VTA1: variants seen among roughly 807,000 people sequenced by gnomAD.
The protein encoded by VTA1 is vacuolar protein sorting-associated protein VTA1 homolog.
VTA1 carries 24 observed loss-of-function variants against 36.9 expected under a neutral mutation model. The observed-to-expected ratio is 0.65, with a 90% CI of 0.47 to 0.91. VTA1 has a LOEUF of 0.91. Ranked by LOEUF, VTA1 falls within the 40% of genes least tolerant of loss-of-function variation. VTA1 has a pLI of 0.00. For synonymous variants in VTA1, 142 were observed against 130.2 expected (o/e 1.09, Z -0.62); for missense variants, 393 against 377.2 (o/e 1.04, Z -0.35).
intron 1 of VTA1, among the ~76,000 whole-genome samples, chr6:142,164,285 T>C (rs1015729382): frequency 6.6e-6 from 1 of 152,148 alleles, no homozygotes; most frequent in Non-Finnish European, 1.5e-5. Flanking sequence ...TCCCTTTGTA[T>C]GTCAAAGTGA....
At chr6:142,203,150 C>T (rs1386324827) in intron 6 of VTA1, among the ~76,000 whole-genome samples, 1 of 151,928 alleles carries the variant, frequency 6.6e-6, no homozygotes, top group African/African-American at 2.4e-5. Context: ...GGATATATAT[C>T]CATCCCCCTA....
intron 7 of VTA1, among the ~76,000 whole-genome samples, chr6:142,214,774 A>G (rs1309748636): frequency 6.6e-6 from 1 of 152,172 alleles, no homozygotes; most frequent in Non-Finnish European, 1.5e-5. Context: ...GAAGCTATGC[A>G]TGGTGAGGAA....
intron 4 of VTA1, among the ~76,000 whole-genome samples, chr6:142,174,615 T>C (rs1775085892): frequency 6.6e-6 from 1 of 152,124 alleles, no homozygotes; most frequent in South Asian, 2.1e-4. Context: ...ACATGAGATT[T>C]GAGGGGGCGG....
intron 3 of VTA1, among the ~76,000 whole-genome samples, chr6:142,170,033 A>T (rs906189592): frequency 6.6e-6 from 1 of 152,188 alleles, no homozygotes. Flanking sequence ...TATCAGTATA[A>T]TATTTACATT....
chr6:142,187,722 G>A (rs989979651), intron 4 of VTA1, among the ~76,000 whole-genome samples: 2 of 152,008 alleles, frequency 1.3e-5, no homozygotes, highest in African/African-American at 4.8e-5. Flanking sequence ...TAAGAGGAGT[G>A]TTTGATAAGG....
chr6:142,199,130 G>A (rs998977384), intron 6 of VTA1, among the ~76,000 whole-genome samples: 8 of 132,450 alleles, frequency 6.0e-5, no homozygotes, highest in Admixed American at 1.5e-4. Flanking sequence ...GTGAAAGCAG[G>A]GATTCGGATT....
intron 1 of VTA1, among the ~76,000 whole-genome samples, chr6:142,165,221 T>C (rs1774890403): frequency 6.6e-6 from 1 of 152,134 alleles, no homozygotes; most frequent in Admixed American, 6.5e-5. Flanking sequence ...TTAATAAGTT[T>C]TTTGTGAGTT....
chr6:142,179,315 A>AT (rs890513312), intron 4 of VTA1, among the ~76,000 whole-genome samples: 55 of 148,140 alleles, frequency 3.7e-4, no homozygotes, highest in East Asian at 2.0e-3. Flanking sequence ...AGAGTTGGTC[A>AT]TTTTTTTTTT....
At chr6:142,152,758 A>G (rs903221907) in intron 1 of VTA1, among the ~76,000 whole-genome samples, 4 of 152,146 alleles carry the variant, frequency 2.6e-5, no homozygotes, top group African/African-American at 9.7e-5. Flanking sequence ...ATCAACATAA[A>G]AACATGTTAA....
At chr6:142,184,058 T>C (rs1181765963) in intron 4 of VTA1, among the ~76,000 whole-genome samples, 1 of 152,230 alleles carries the variant, frequency 6.6e-6, no homozygotes, top group East Asian at 1.9e-4. Flanking sequence ...AAATTTAGCC[T>C]AATTTTAAAG....
At chr6:142,157,303 T>G (rs1778679571) in intron 1 of VTA1, among the ~76,000 whole-genome samples, 1 of 152,256 alleles carries the variant, frequency 6.6e-6, no homozygotes, top group African/African-American at 2.4e-5. Context: ...TGCTGGTTCC[T>G]GAATGATAGA....
chr6:142,156,986 T>G (rs925325416), intron 1 of VTA1, among the ~76,000 whole-genome samples: 1 of 152,110 alleles, frequency 6.6e-6, no homozygotes, highest in African/African-American at 2.4e-5. Context: ...GCCAATATGG[T>G]GAAACCCTGT....
intron 6 of VTA1, among the ~76,000 whole-genome samples, chr6:142,201,462 G>C (rs1249758783): frequency 6.6e-6 from 1 of 151,940 alleles, no homozygotes; most frequent in Non-Finnish European, 1.5e-5. Flanking sequence ...TTAAACAGGC[G>C]AAGTGTTTGC....
At chr6:142,206,250 C>T (rs1364051599) in intron 7 of VTA1, among the ~76,000 whole-genome samples, 1 of 152,138 alleles carries the variant, frequency 6.6e-6, no homozygotes, top group Admixed American at 6.5e-5. Flanking sequence ...AAATTAATTG[C>T]TTTCCACATA....
chr6:142,215,731 G>A (rs1344946371), intron 7 of VTA1, among the ~76,000 whole-genome samples: 5 of 152,258 alleles, frequency 3.3e-5, no homozygotes, highest in Non-Finnish European at 7.4e-5. Context: ...ACTCATTTTG[G>A]AAATATTTAC....
intron 7 of VTA1, among the ~76,000 whole-genome samples, chr6:142,211,927 C>T (rs225701): frequency 0.38 from 58,321 of 151,932 alleles, 13,295 homozygotes; most frequent in Middle Eastern, 0.53. Flanking sequence ...GATACTCCAC[C>T]GCATATATCA....
In VTA1 at chr6:142,147,287, G is replaced by C. The variant is rs148815625; in HGVS notation, c.-1G>C. On this transcript the variant is annotated 5_prime_UTR_variant, in exon 1 of 8. Coordinates refer to ENST00000367630, the MANE Select transcript of VTA1 (RefSeq NM_016485.5). ...TAGGAAGTGGTGAGTTCGGAGTAGA[G>C]ATGGCCGCGCTTGCACCGCTGCCCC... 1.9e-6 allele frequency: 3 copies of C among 1,614,168 alleles called. No homozygotes were observed. Among genetic ancestry groups the C allele is most frequent in the Admixed American group, 1.7e-5 (1 of 60,024 alleles).
intron 5 of VTA1, among the ~76,000 whole-genome samples, chr6:142,195,918 T>C (rs1022484411): frequency 3.3e-5 from 5 of 152,122 alleles, no homozygotes; most frequent in Non-Finnish European, 7.4e-5. Context: ...TATTTTGTAG[T>C]TTATCAAGAT....
chr6:142,188,340 G>T (rs544124664), intron 4 of VTA1, among the ~76,000 whole-genome samples: 2 of 135,298 alleles, frequency 1.5e-5, no homozygotes, highest in East Asian at 4.8e-4. Flanking sequence ...TCAGCCTCCC[G>T]AGTAGCTGCA....
Sources: allele counts gnomAD v4.1 joint callset (sites outside exome capture counted in the v4.1 genomes callset), GRCh38; gene constraint gnomAD v4.1.1; transcripts MANE v1.5; gene names NCBI Gene and HGNC (gene_info 2026-07-23, HGNC 2026-07-21).